BMAL1: variants seen among roughly 807,000 people sequenced by gnomAD.
The protein encoded by BMAL1 is basic helix-loop-helix ARNT-like protein 1.
chr11:13,316,885 T>G, the BMAL1 span, among the ~76,000 whole-genome samples: 4 of 152,206 alleles, frequency 2.6e-5, no homozygotes, highest in African/African-American at 9.7e-5. Flanking sequence ...TCAAAGGGCA[T>G]TCGGCACACT....
At chr11:13,368,846 C>T in the BMAL1 span, among the ~76,000 whole-genome samples, 1 of 152,246 alleles carries the variant, frequency 6.6e-6, no homozygotes, top group South Asian at 2.1e-4. Context: ...TTCTGGTAGC[C>T]AGACTTTAAA....
At chr11:13,293,081 T>C in the BMAL1 span, among the ~76,000 whole-genome samples, 2 of 152,158 alleles carry the variant, frequency 1.3e-5, no homozygotes, top group Non-Finnish European at 2.9e-5. Context: ...GAAGCTGTTG[T>C]CAGTAGAGTT....
At chr11:13,317,825 T>A in the BMAL1 span, among the ~76,000 whole-genome samples, 422 of 152,338 alleles carry the variant, frequency 2.8e-3, 3 homozygotes, top group African/African-American at 9.0e-3. Flanking sequence ...TGAGCCAAAT[T>A]AGCCATTTAA....
the BMAL1 span, chr11:13,354,511 A>G: frequency 3.8e-6 from 6 of 1,574,834 alleles, no homozygotes; most frequent in South Asian, 4.6e-5. Flanking sequence ...GGCATGGAAC[A>G]TCTAGCAGCC....
chr11:13,375,813 A>G, the BMAL1 span: 1 of 1,491,068 alleles, frequency 6.7e-7, no homozygotes, highest in Non-Finnish European at 8.9e-7. Context: ...ACAGATGCCT[A>G]GGGTTCCTCA....
At chr11:13,322,895 A>C in the BMAL1 span, among the ~76,000 whole-genome samples, 1 of 140,384 alleles carries the variant, frequency 7.1e-6, no homozygotes, top group Admixed American at 7.8e-5. Context: ...GCTTCAAGGG[A>C]TCTTCCTGCT....
At chr11:13,384,053 A>G in the BMAL1 span, among the ~76,000 whole-genome samples, 2 of 152,052 alleles carry the variant, frequency 1.3e-5, no homozygotes, top group East Asian at 1.9e-4. Context: ...ACTAGCTACT[A>G]TTTTCATTGG....
the BMAL1 span, among the ~76,000 whole-genome samples, chr11:13,328,427 C>T: frequency 6.6e-6 from 1 of 152,112 alleles, no homozygotes; most frequent in African/African-American, 2.4e-5. Context: ...CTCAGACTTG[C>T]TTATGAGCCT....
At chr11:13,311,415 C>T in the BMAL1 span, among the ~76,000 whole-genome samples, 3 of 152,036 alleles carry the variant, frequency 2.0e-5, no homozygotes, top group Admixed American at 6.5e-5. Context: ...CCAGGGAGAA[C>T]GGACCTGAAG....
the BMAL1 span, among the ~76,000 whole-genome samples, chr11:13,368,939 T>C: frequency 2.0e-5 from 3 of 152,366 alleles, no homozygotes; most frequent in East Asian, 5.8e-4. Context: ...TTCACATTCT[T>C]TTATTTTTCT....
chr11:13,319,107 T>C, the BMAL1 span, among the ~76,000 whole-genome samples: 1 of 152,246 alleles, frequency 6.6e-6, no homozygotes, highest in Non-Finnish European at 1.5e-5. Context: ...TCCCTGTGCA[T>C]GGTGTTCTGC....
the BMAL1 span, among the ~76,000 whole-genome samples, chr11:13,381,943 T>C: frequency 6.6e-6 from 1 of 152,274 alleles, no homozygotes; most frequent in South Asian, 2.1e-4. Flanking sequence ...AAGGCCATCA[T>C]TTTGGACACA....
At chr11:13,342,965 G>A in the BMAL1 span, among the ~76,000 whole-genome samples, 9 of 152,330 alleles carry the variant, frequency 5.9e-5, no homozygotes, top group Non-Finnish European at 1.0e-4. Flanking sequence ...GATGGTTAAT[G>A]GGAAGATAAT....
chr11:13,335,049 T>C, the BMAL1 span, among the ~76,000 whole-genome samples: 1 of 152,214 alleles, frequency 6.6e-6, no homozygotes, highest in African/African-American at 2.4e-5. Context: ...CTCAGAGACC[T>C]GGAGGGGAGC....
the BMAL1 span, among the ~76,000 whole-genome samples, chr11:13,300,636 C>T: frequency 6.6e-6 from 1 of 152,142 alleles, no homozygotes; most frequent in African/African-American, 2.4e-5. Flanking sequence ...ACATAACAAA[C>T]AGTGATCTCT....
the BMAL1 span, among the ~76,000 whole-genome samples, chr11:13,305,179 C>T: frequency 0.032 from 4,835 of 152,164 alleles, 121 homozygotes; most frequent in Middle Eastern, 0.048. Flanking sequence ...GATGGCAGGG[C>T]GTGAGCTGTG....
chr11:13,279,999 A>C, the BMAL1 span, among the ~76,000 whole-genome samples: 1 of 152,316 alleles, frequency 6.6e-6, no homozygotes, highest in Non-Finnish European at 1.5e-5. Context: ...AAGTTATTAA[A>C]GATTTCTAGG....
chr11:13,319,017 T>G, the BMAL1 span, among the ~76,000 whole-genome samples: 1 of 152,186 alleles, frequency 6.6e-6, no homozygotes, highest in African/African-American at 2.4e-5. Flanking sequence ...CTTTTGCATT[T>G]GCTTGTTTCT....
the BMAL1 span, chr11:13,357,211 C>T: frequency 6.9e-7 from 1 of 1,445,022 alleles, no homozygotes; most frequent in Non-Finnish European, 9.4e-7. The surrounding 1 kb of genome is among the most constrained non-coding windows in gnomAD (Gnocchi z 4.8). Flanking sequence ...GCACTGTCAC[C>T]TCCTTAGGGA....
Sources: allele counts gnomAD v4.1 joint callset (sites outside exome capture counted in the v4.1 genomes callset), GRCh38; gene constraint gnomAD v4.1.1; non-coding constraint Gnocchi (gnomAD v3.1); transcripts MANE v1.5; gene names NCBI Gene and HGNC (gene_info 2026-07-23, HGNC 2026-07-21).